Variants in C1QC observed in about 807,000 individuals in gnomAD.
The protein encoded by C1QC is complement C1q C chain, also known as complement C1q subcomponent subunit C.
C1QC carries 4 observed loss-of-function variants against 5.9 expected under a neutral mutation model. The ratio of observed to expected loss-of-function variants is 0.68; its 90% CI spans 0.33 to 1.55. The LOEUF is 1.55. Ranked by LOEUF, C1QC falls within the 40% of genes most tolerant of loss-of-function variation. The pLI is 0.06. For synonymous variants in C1QC, 166 were observed against 153.8 expected, an observed-to-expected ratio of 1.08 and a Z score of -0.59; for missense variants, 299 against 326.9, an observed-to-expected ratio of 0.91 and a Z score of 0.66.
chr1:22,643,854 G>T, intron 1 of C1QC, 140 bp downstream of exon 1: 2 of 1,377,706 alleles, frequency 1.5e-6, no homozygotes, highest in African/African-American at 2.9e-5. Context: ...CCCGGGGCCT[G>T]GGCTGAAGAA....
Position 22,643,675 on chromosome 1 carries a change from A to T in C1QC, c.-53A>T. 9.0e-7 allele frequency: 1 copy of T among 1,117,090 alleles called. No individual in the cohort carries two copies. The highest frequency in any genetic ancestry group is 1.1e-6 in the Non-Finnish European group (1 of 913,768). 69.2% of individuals were successfully genotyped at this position (1,117,090 alleles called of 1,614,324 possible). On this transcript the variant is annotated 5_prime_UTR_variant, in exon 1 of 3. Coordinates refer to ENST00000374640, the MANE Select transcript of C1QC (RefSeq NM_172369.5). The stretch of plus-strand genomic sequence containing the variant: ...GCCTGGGAGAGGGGAAGCAGATCTG[A>T]GGACATCTCTGTGCCAGGCCAGAAA...
At chr1:22,644,912 G>A (rs1642343888) in intron 2 of C1QC, among the ~76,000 whole-genome samples, 1 of 152,142 alleles carries the variant, frequency 6.6e-6, no homozygotes, top group Non-Finnish European at 1.5e-5. Flanking sequence ...GAGGTCCACA[G>A]GCAATCCTTG....
intron 1 of C1QC, 112 bp downstream of exon 1, chr1:22,643,826 T>G: frequency 7.4e-7 from 1 of 1,350,788 alleles, no homozygotes; most frequent in East Asian, 2.9e-5. Context: ...GGAAGGAGGG[T>G]TCCCACTCCT....
In C1QC at chr1:22,647,802, A is replaced by G. The variant is rs1303087059; in HGVS notation, c.*19A>G. 1 of 1,599,010 alleles carries G rather than the reference A, an allele frequency of 6.3e-7. No individual in the cohort carries two copies. The highest frequency in any genetic ancestry group is 8.5e-7 in the Non-Finnish European group (1 of 1,179,912). ...CGACTAGGGCGGGCAGATGCGCTCG[A>G]GCCCCACGGGCCTTCCACCTCCCTC... On this transcript the variant is annotated 3_prime_UTR_variant, in exon 3 of 3. Transcript: ENST00000374640.
chr1:22,646,862 C>T (rs1369433370), intron 2 of C1QC, among the ~76,000 whole-genome samples: 2 of 152,190 alleles, frequency 1.3e-5, no homozygotes, highest in Non-Finnish European at 2.9e-5. Context: ...GCAGGCCAAA[C>T]AAGATACTTG....
At position 22,647,296 on chromosome 1, in the gene C1QC, C is replaced by A. The variant is rs765611134; in HGVS notation, c.251C>A (p.Pro84His). ...QKGEPGLPGH[P>H]GKNGPMGPPG... is the part of the protein sequence containing the mutation. ...GGAGAACCCGGCTTACCCGGCCATC[C>A]TGGGAAAAATGGCCCCATGGGACCC... is the stretch of plus-strand genomic sequence containing the variant. Residue 84 changes from proline to histidine, a missense_variant, in exon 3 of 3, where the codon CCT becomes CAT. Physicochemically the swap from Pro to His is moderately conservative, Grantham distance 77. Around this residue, in one of 3 missense-constraint regions of C1QC, gnomAD observed 146 missense variants for 144.1 expected, o/e 1.01. Coordinates refer to ENST00000374640, the MANE Select transcript of C1QC (RefSeq NM_172369.5). 5 of 1,613,704 alleles carry A rather than the reference C, an allele frequency of 3.1e-6. No homozygotes were observed. Among genetic ancestry groups the A allele is most frequent in the Non-Finnish European group, 4.2e-6 (5 of 1,179,978 alleles).
chr1:22,647,767 T>A lies in C1QC; in HGVS notation c.722T>A (p.Leu241Gln). 6.3e-7 allele frequency: 1 copy of A among 1,599,864 alleles called. No homozygotes were observed. Among genetic ancestry groups the A allele is most frequent in the Non-Finnish European group, 8.5e-7 (1 of 1,179,942 alleles). The change falls in exon 3 of 3, where the codon CTG becomes CAG. Residue 241 changes from leucine (L) to glutamine (Q), a missense_variant. Physicochemically the swap from Leu to Gln is moderately radical, Grantham distance 113. Transcript: ENST00000374640. ...TCTGACAGCGTCTTCTCCGGCTTCCTGCTCTTCCCCGACTAGGGCGGGCAG... is the reference window on the plus strand; with the variant it reads ...TCTGACAGCGTCTTCTCCGGCTTCCAGCTCTTCCCCGACTAGGGCGGGCAG... Reference protein sequence around the residue: ...QGSDSVFSGFLLFPD With the variant: ...QGSDSVFSGFQLFPD
Position 22,647,623 on chromosome 1 carries a change from G to A in C1QC, c.578G>A (p.Cys193Tyr). 6.2e-7 allele frequency: 1 copy of A among 1,614,162 alleles called. No homozygotes were observed. The highest frequency in any genetic ancestry group is 1.7e-5 in the Admixed American group (1 of 60,032). Residue 193 changes from cysteine (C) to tyrosine (Y), a missense_variant, in exon 3 of 3, where the codon TGT becomes TAT. Physicochemically the swap from Cys to Tyr is radical, Grantham distance 194. Transcript: ENST00000374640. ...YRSGVKVVTFCGHTSKTNQVN... is the reference protein window; with the variant it reads ...YRSGVKVVTFYGHTSKTNQVN... ...AGCGGCGTCAAAGTGGTCACCTTCT[G>A]TGGCCACACGTCCAAAACCAATCAG...
chr1:22,647,033 C>T (rs1193234587), intron 2 of C1QC, among the ~76,000 whole-genome samples, 194 bp from the exon 3 acceptor site: 2 of 152,194 alleles, frequency 1.3e-5, no homozygotes, highest in Non-Finnish European at 2.9e-5. Context: ...AGAAGCAGGA[C>T]TTGAACCAGA....
rs1248797911 is a variant in C1QC at position 22,644,034 on chromosome 1, G to A, written c.11G>A (p.Gly4Glu). Residue 4 changes from glycine (G) to glutamate (E), a missense_variant, in exon 2 of 3, where the codon GGG becomes GAG. Physicochemically the swap from Gly to Glu is moderately conservative, Grantham distance 98 (BLOSUM62 -2). Transcript: ENST00000374640. ...AGTTCCTTCTCCGGGATGGACGTGG[G>A]GCCCAGCTCCCTGCCCCACCTTGGG... is the stretch of plus-strand genomic sequence containing the variant. MDV[G>E]PSSLPHLGLK... 6.3e-7 allele frequency: 1 copy of A among 1,590,854 alleles called. No homozygotes were observed. Among genetic ancestry groups the A allele is most frequent in the Admixed American group, 1.8e-5 (1 of 56,130 alleles).
chr1:22,646,451 TA>T (rs1422865514), intron 2 of C1QC, among the ~76,000 whole-genome samples: 1 of 152,184 alleles, frequency 6.6e-6, no homozygotes. Flanking sequence ...TTTACACATG[TA>T]GCAAAATTAT....
chr1:22,645,842 G>A (rs185709855), intron 2 of C1QC, among the ~76,000 whole-genome samples: 158 of 152,292 alleles, frequency 1.0e-3, no homozygotes, highest in African/African-American at 3.5e-3. Flanking sequence ...CTAATGCTGA[G>A]GCCTAAGAGG....
chr1:22,646,325 G>A (rs2148296388), intron 2 of C1QC, among the ~76,000 whole-genome samples: 1 of 152,352 alleles, frequency 6.6e-6, no homozygotes, highest in African/African-American at 2.4e-5. Flanking sequence ...CATCTCAGGA[G>A]CAGATATAGG....
At position 22,648,056 on chromosome 1, in the gene C1QC, T is replaced by C. The variant is rs1006819802; in HGVS notation, c.*273T>C. ...ACTGCCATTCTTTTTTTTTTTTTTT[T>C]CAAGTATTGGAAGGGGTGGGGAGAT... On this transcript the variant is annotated 3_prime_UTR_variant, in exon 3 of 3. Coordinates refer to ENST00000374640, the MANE Select transcript of C1QC (RefSeq NM_172369.5). 3.3e-5 allele frequency: 15 copies of C among 451,056 alleles called. 1 individual carries two copies. The highest frequency in any genetic ancestry group is 2.0e-4 in the African/African-American group (8 of 39,344). 27.9% of individuals were successfully genotyped at this position (451,056 alleles called of 1,614,324 possible).
At position 22,644,263 on chromosome 1, in the gene C1QC, C is replaced by T. The variant is rs1408471303; in HGVS notation, c.181+59C>T. On this transcript the variant is annotated intron_variant, in intron 2 of 2. Coordinates refer to ENST00000374640, the MANE Select transcript of C1QC (RefSeq NM_172369.5). Reference sequence around the variant, plus strand: ...CTGGGGCAGGGATCAGAGTGTCTGTCTGGGGCTGACCAAGGGGGCGGGGGA... The same window carrying T: ...CTGGGGCAGGGATCAGAGTGTCTGTTTGGGGCTGACCAAGGGGGCGGGGGA... 3 of 1,484,966 alleles carry T rather than the reference C, an allele frequency of 2.0e-6. No individual in the cohort carries two copies. In the African/African-American group the frequency reaches 4.2e-5, roughly 21 times the overall value. 92.0% of individuals were successfully genotyped at this position (1,484,966 alleles called of 1,614,324 possible).
chr1:22,643,982 C>T (rs959757194), intron 1 of C1QC, 29 bp from the exon 2 acceptor site: 12 of 1,579,950 alleles, frequency 7.6e-6, no homozygotes, highest in African/African-American at 4.0e-5. Context: ...GAGGGGCTGG[C>T]GGGGACAGCT....
rs762500174 is a variant in C1QC, at chr1:22,644,141, G to A, written c.118G>A (p.Gly40Ser). The stretch of plus-strand genomic sequence containing the variant: ...CTGCTACGGGATCCCAGGGATGCCC[G>A]GCCTGCCCGGGGCACCAGGGAAGGA... ...TGCYGIPGMP[G>S]LPGAPGKDGY... Residue 40 changes from glycine (G) to serine (S), a missense_variant, in exon 2 of 3, where the codon GGC becomes AGC. Gly to Ser is a moderately conservative substitution (Grantham distance 56). Transcript: ENST00000374640. 4.4e-6 allele frequency: 7 copies of A among 1,585,502 alleles called. No homozygotes were observed. Among genetic ancestry groups the A allele is most frequent in the South Asian group, 3.5e-5 (3 of 86,418 alleles).
At chr1:22,643,768 C>G in intron 1 of C1QC, 54 bp downstream of exon 1, 1 of 1,325,760 alleles carries the variant, frequency 7.5e-7, no homozygotes, top group South Asian at 2.3e-5. Flanking sequence ...CCTCCACCTT[C>G]CGCCACCTTC....
chr1:22,645,861 C>G (rs974518760), intron 2 of C1QC, among the ~76,000 whole-genome samples: 3 of 152,162 alleles, frequency 2.0e-5, no homozygotes, highest in Admixed American at 1.3e-4. Context: ...GGTTCATAAG[C>G]CATAGAGGAT....
Sources: allele counts gnomAD v4.1 joint callset (sites outside exome capture counted in the v4.1 genomes callset), GRCh38; gene constraint gnomAD v4.1.1; regional missense constraint gnomAD v4.1.1; transcripts MANE v1.5; gene names NCBI Gene and HGNC (gene_info 2026-07-23, HGNC 2026-07-21).